The following LCT variants were observed in gnomAD, a reference collection of about 807,000 sequenced individuals.
The protein encoded by LCT is lactase/phlorizin hydrolase.
LCT carries 90 observed loss-of-function variants against 173.0 expected under a neutral mutation model. The observed-to-expected ratio is 0.52, with a 90% CI of 0.44 to 0.62. The LOEUF (loss-of-function observed/expected upper bound fraction) is 0.62. Among genes scored for constraint, LCT ranks in the 20% least tolerant of loss-of-function variants. The pLI, the probability that LCT is intolerant of heterozygous loss-of-function variation, is 0.00. For synonymous variants in LCT, 853 were observed against 957.6 expected (o/e 0.89, Z 2.02); for missense variants, 1,864 against 2,431.4 (o/e 0.77, Z 4.91).
intron 1 of LCT, among the ~76,000 whole-genome samples, chr2:135,835,528 A>ATC: frequency 7.6e-6 from 1 of 131,342 alleles, no homozygotes; most frequent in South Asian, 2.4e-4. Flanking sequence ...ATATATATAT[A>ATC]TATCAGGTAC....
rs1352804329 is a variant in LCT, at chr2:135,817,647, G to A, written c.1401C>T (p.Ser467=). Residue 467 remains serine, a synonymous_variant, in exon 6 of 17, where the codon AGC becomes AGT. Transcript: ENST00000264162. ...AGGCAACGCCTGGGAGGCTGGGGCT[G>A]CTCCCGTGCCCCATGGGGAAGATCC... The part of the protein sequence containing the change: ...WSRIFPMGHG[S]SPSLPGVAYY... 6.2e-7 allele frequency: 1 copy of A among 1,613,588 alleles called. No homozygotes were observed. The highest frequency in any genetic ancestry group is 2.2e-5 in the East Asian group (1 of 44,880).
chr2:135,803,852 G>A lies in LCT; in HGVS notation c.4663+78C>T, dbSNP rs926114544. ...GGGGCTTTCTTGGTTGCCTCGTCCT[G>A]TGCCATCTGGATTTCAACTCTTGAT... On this transcript the variant is annotated intron_variant, in intron 11 of 16. Coordinates refer to ENST00000264162, the MANE Select transcript of LCT (RefSeq NM_002299.4). 4 of 1,358,850 alleles carry A rather than the reference G, an allele frequency of 2.9e-6. No individual in the cohort carries two copies. In the East Asian group the frequency reaches 7.2e-5, roughly 25 times the overall value. 84.2% of individuals were successfully genotyped at this position (1,358,850 alleles called of 1,614,324 possible).
chr2:135,818,625 G>A (rs2077801533), intron 5 of LCT, among the ~76,000 whole-genome samples: 1 of 152,174 alleles, frequency 6.6e-6, no homozygotes, highest in Admixed American at 6.5e-5. Context: ...GGATCACGAG[G>A]TCAGAAGTTC....
In LCT at chr2:135,788,521, C is replaced by T. The variant is rs371505824; in HGVS notation, c.5587G>A (p.Val1863Met). Residue 1863 changes from valine (V) to methionine (M), a missense_variant, in exon 17 of 17, where the codon GTG becomes ATG. Around this residue, in one of 4 missense-constraint regions of LCT, gnomAD observed 514 missense variants for 750.1 expected, o/e 0.69. Transcript: ENST00000264162. ...QPDAGPTISP[V>M]RQEEVQFLGL... ...AGGAACTGCACCTCCTCCTGTCTCA[C>T]GGGGCTGATGGTGGGTCCAGCATCT... The T allele has an allele frequency of 6.8e-6, 11 of 1,611,504 alleles. No individual in the cohort carries two copies. The highest frequency in any genetic ancestry group is 2.1e-4 in the Middle Eastern group (1 of 4,666).
At chr2:135,807,031 C>A in intron 9 of LCT, 97 bp downstream of exon 9, 1 of 1,374,070 alleles carries the variant, frequency 7.3e-7, no homozygotes, top group Non-Finnish European at 1.0e-6. Context: ...CTGCTGGAAT[C>A]TCCTGTTCAT....
chr2:135,831,440 C>T (rs955136757), intron 2 of LCT, among the ~76,000 whole-genome samples: 2 of 152,204 alleles, frequency 1.3e-5, no homozygotes, highest in South Asian at 4.2e-4. Flanking sequence ...GGGATTCGTC[C>T]CACTCGGAAG....
intron 4 of LCT, chr2:135,823,158 C>G (rs78532997): frequency 6.5e-6 from 1 of 154,602 alleles, no homozygotes; most frequent in African/African-American, 2.4e-5. Flanking sequence ...GTAGAAAGAA[C>G]ACTACTGACT....
chr2:135,804,962 G>T lies in LCT; in HGVS notation c.4269C>A (p.Asp1423Glu). 1 of 1,614,028 alleles carries T rather than the reference G, an allele frequency of 6.2e-7. No homozygotes were observed. The highest frequency in any genetic ancestry group is 8.5e-7 in the Non-Finnish European group (1 of 1,180,008). Residue 1423 changes from aspartate to glutamate, a missense_variant, in exon 10 of 17, where the codon GAC (aspartate) becomes GAA (glutamate). This residue lies in a region of LCT where 514 missense variants were observed against 750.1 expected (regional missense o/e 0.69). Coordinates refer to ENST00000264162, the MANE Select transcript of LCT (RefSeq NM_002299.4). ...PLRVENDAIG[D>E]VACDSYHKIA... ...TCTTGTGATAACTGTCACAGGCCAC[G>T]TCTCCAATGGCATCGTTCTCAACCC...
chr2:135,794,875 G>T (rs1325936240), intron 13 of LCT, 100 bp from the exon 14 acceptor site: 7 of 1,362,004 alleles, frequency 5.1e-6, no homozygotes, highest in African/African-American at 1.4e-5. Context: ...CGAACCCCAG[G>T]CACTTGGCAG....
rs1364209740 is a variant in LCT at position 135,808,990 on chromosome 2, G to A, written c.3357C>T (p.Val1119=). ...DEKYRQEQKG[V]ISLSLSTHWA... is the part of the protein sequence containing the mutation. ...AGTGTGTACTGAGGCTCAGCGAGAT[G>A]ACCCCCTTCTGCTCCTGCCTGTATT... The change falls in exon 8 of 17, where the codon GTC becomes GTT. Residue 1119 remains valine (V), a synonymous_variant. Coordinates refer to ENST00000264162, the MANE Select transcript of LCT (RefSeq NM_002299.4). The A allele has an allele frequency of 6.2e-7, 1 of 1,611,302 alleles. No individual in the cohort carries two copies. Among genetic ancestry groups the A allele is most frequent in the Non-Finnish European group, 8.5e-7 (1 of 1,178,096 alleles).
At chr2:135,815,043 T>C (rs1241106245) in intron 6 of LCT, among the ~76,000 whole-genome samples, 3 of 152,156 alleles carry the variant, frequency 2.0e-5, no homozygotes, top group Admixed American at 1.3e-4. Context: ...CAACCACCCC[T>C]ATATGAGGAC....
Position 135,807,078 on chromosome 2 carries a change from C to T in LCT, c.4173+50G>A, listed in dbSNP as rs369888309. 468 of 1,605,122 alleles carry T rather than the reference C, an allele frequency of 2.9e-4. 2 individuals carry two copies. The South Asian group carries it at 3.8e-3, about 13-fold the overall frequency. The stretch of plus-strand genomic sequence containing the variant: ...TCCCAGCACTGAGCCCAGAGCCTGG[C>T]ACAGGGCAGGTGTGCAGTCACTGGT... On this transcript the variant is annotated intron_variant, in intron 9 of 16. Coordinates refer to ENST00000264162, the MANE Select transcript of LCT (RefSeq NM_002299.4).
intron 13 of LCT, among the ~76,000 whole-genome samples, chr2:135,796,546 G>A (rs948748486): frequency 2.0e-5 from 3 of 152,188 alleles, no homozygotes; most frequent in African/African-American, 7.2e-5. Flanking sequence ...TGGAAAGAAT[G>A]ACCTGCAATC....
intron 1 of LCT, among the ~76,000 whole-genome samples, chr2:135,836,238 C>T (rs1046095162): frequency 2.0e-5 from 3 of 151,942 alleles, no homozygotes; most frequent in East Asian, 1.9e-4. Flanking sequence ...AGGCTGGTCT[C>T]GAACTCCTGA....
At chr2:135,820,956 C>T (rs2077823527) in intron 5 of LCT, among the ~76,000 whole-genome samples, 1 of 151,976 alleles carries the variant, frequency 6.6e-6, no homozygotes, top group South Asian at 2.1e-4. Context: ...TCTCAGCTCA[C>T]TGCAAGCTCT....
At chr2:135,805,410 C>T (rs2077663335) in intron 9 of LCT, among the ~76,000 whole-genome samples, 1 of 152,244 alleles carries the variant, frequency 6.6e-6, no homozygotes, top group Non-Finnish European at 1.5e-5. Context: ...CAGGCCCACT[C>T]TTGCACAGAG....
At chr2:135,824,247 C>T (rs55892679) in intron 3 of LCT, among the ~76,000 whole-genome samples, 2,362 of 152,314 alleles carry the variant, frequency 0.016, 68 homozygotes, top group African/African-American at 0.054. Context: ...CACAGGCTTA[C>T]AGGGCACCTC....
intron 4 of LCT, 127 bp from the exon 5 acceptor site, chr2:135,822,225 G>A: frequency 1.4e-6 from 1 of 715,058 alleles, no homozygotes; most frequent in South Asian, 1.5e-5. Flanking sequence ...AGCCCCTTTG[G>A]AAAATACCAT....
At chr2:135,806,735 C>G (rs1003333076) in intron 9 of LCT, among the ~76,000 whole-genome samples, 2 of 152,242 alleles carry the variant, frequency 1.3e-5, no homozygotes, top group Admixed American at 6.5e-5. Context: ...GTAAGCTACA[C>G]TATCTAGGTG....
Sources: allele counts gnomAD v4.1 joint callset (sites outside exome capture counted in the v4.1 genomes callset), GRCh38; gene constraint gnomAD v4.1.1; regional missense constraint gnomAD v4.1.1; transcripts MANE v1.5; gene names NCBI Gene and HGNC (gene_info 2026-07-23, HGNC 2026-07-21).